The following FLRT2 variants were observed in gnomAD, a reference collection of about 807,000 sequenced individuals.
FLRT2 encodes leucine-rich repeat transmembrane protein FLRT2.
Under a neutral mutation model 40.0 loss-of-function variants are expected in FLRT2, and 15 were observed. That is an observed-to-expected ratio of 0.38 (90% CI 0.25 to 0.58). The LOEUF (loss-of-function observed/expected upper bound fraction) is 0.58. FLRT2 is among the 20% of genes least tolerant of loss of function. The probability of loss-of-function intolerance (pLI) is 0.71; values close to 1 mark genes in which losing one functional copy is unlikely to be tolerated. For missense variants in FLRT2, 726 were observed against 840.0 expected, an observed-to-expected ratio of 0.86 and a Z score of 1.68; for synonymous variants, 380 against 336.8, an observed-to-expected ratio of 1.13 and a Z score of -1.41.
At chr14:85,580,422 G>C (rs1297828158) in intron 1 of FLRT2, among the ~76,000 whole-genome samples, 2 of 152,234 alleles carry the variant, frequency 1.3e-5, no homozygotes, top group African/African-American at 4.8e-5. Flanking sequence ...AGAAGTTTGT[G>C]TTCATATATG....
At chr14:85,561,308 A>G (rs1335948511) in intron 1 of FLRT2, 1 of 152,208 alleles carries the variant, frequency 6.6e-6, no homozygotes, top group African/African-American at 2.4e-5. Context: ...GTAGCTATTT[A>G]TCAAGGTATC....
At chr14:85,569,898 C>T (rs1256852748) in intron 1 of FLRT2, among the ~76,000 whole-genome samples, 3 of 152,154 alleles carry the variant, frequency 2.0e-5, no homozygotes, top group Non-Finnish European at 2.9e-5. Flanking sequence ...TGTAGGATCA[C>T]GTTAACATGA....
At chr14:85,558,525 C>T (rs1404667333) in intron 1 of FLRT2, among the ~76,000 whole-genome samples, 1 of 152,114 alleles carries the variant, frequency 6.6e-6, no homozygotes, top group Admixed American at 6.5e-5. Flanking sequence ...AAGCATTTTT[C>T]TTCCAGAGAC....
Position 85,621,693 on chromosome 14 carries a change from G to A in FLRT2, c.179G>A (p.Gly60Glu), listed in dbSNP as rs1231888854. ...NERSLTSVPL[G>E]IPEGVTVLYL... ...CGAAGCTTGACCTCAGTGCCTCTTG[G>A]GATCCCGGAGGGCGTAACTGTACTC... is the stretch of plus-strand genomic sequence containing the variant. Residue 60 changes from glycine (G) to glutamate (E), a missense_variant, in exon 2 of 2, where the codon GGG (glycine) becomes GAG (glutamate). This residue lies in a region of FLRT2 where 106 missense variants were observed against 121.2 expected (regional missense o/e 0.87). Transcript: ENST00000330753. The A allele has an allele frequency of 2.5e-6, 4 of 1,613,920 alleles. No homozygotes were observed. In the Admixed American group the frequency reaches 5.0e-5, roughly 20 times the overall value.
At chr14:85,543,862 G>A (rs1889120898) in intron 1 of FLRT2, among the ~76,000 whole-genome samples, 1 of 152,040 alleles carries the variant, frequency 6.6e-6, no homozygotes, top group Admixed American at 6.5e-5. Context: ...ACAGAGTTTT[G>A]TTTGAACTTT....
intron 1 of FLRT2, among the ~76,000 whole-genome samples, chr14:85,612,061 CAAAAAAA>C (rs11298272): frequency 8.2e-4 from 51 of 62,294 alleles, no homozygotes; most frequent in African/African-American, 2.8e-3. Flanking sequence ...ACTTACTTTT[CAAAAAAA>C]AAAAAAAAAA....
intron 1 of FLRT2, among the ~76,000 whole-genome samples, chr14:85,582,726 T>C (rs995695593): frequency 6.6e-6 from 1 of 152,072 alleles, no homozygotes; most frequent in African/African-American, 2.4e-5. Flanking sequence ...AATTAGTCTA[T>C]CTTATGGACT....
chr14:85,600,270 A>G (rs1892326955), intron 1 of FLRT2, among the ~76,000 whole-genome samples: 2 of 152,248 alleles, frequency 1.3e-5, no homozygotes, highest in South Asian at 4.1e-4. Context: ...TTGAAGTTCC[A>G]GATGGACGTG....
intron 1 of FLRT2, among the ~76,000 whole-genome samples, chr14:85,572,684 A>G (rs999487741): frequency 6.6e-6 from 1 of 152,206 alleles, no homozygotes; most frequent in Non-Finnish European, 1.5e-5. Flanking sequence ...TGGCTGACCC[A>G]CTGGGTCCAC....
intron 1 of FLRT2, among the ~76,000 whole-genome samples, chr14:85,536,763 G>A (rs1317180711): frequency 6.6e-6 from 1 of 151,530 alleles, no homozygotes; most frequent in Non-Finnish European, 1.5e-5. Flanking sequence ...CTAATACAGA[G>A]TTCAATATGG....
intron 1 of FLRT2, among the ~76,000 whole-genome samples, chr14:85,579,916 G>T (rs1456168054): frequency 7.1e-6 from 1 of 140,064 alleles, no homozygotes; most frequent in Non-Finnish European, 1.5e-5. Flanking sequence ...CCATGCACAG[G>T]GTATTAGAAT....
chr14:85,540,801 ATTACT>A (rs1888943628), intron 1 of FLRT2, among the ~76,000 whole-genome samples: 1 of 152,118 alleles, frequency 6.6e-6, no homozygotes, highest in African/African-American at 2.4e-5. Context: ...AACATGGAAA[ATTACT>A]TGCATAGTTC....
In FLRT2 at chr14:85,653,542, A is replaced by G. The variant is rs1894483109; in HGVS notation, c.*30045A>G. Reference sequence around the variant, plus strand: ...AAATACCTCTGCTAGGGGATCTATTAGTATTCTCCACATTGCTACTGAAAC... The same window carrying G: ...AAATACCTCTGCTAGGGGATCTATTGGTATTCTCCACATTGCTACTGAAAC... On this transcript the variant is annotated 3_prime_UTR_variant, in exon 2 of 2. Transcript: ENST00000330753. 1 of 152,230 alleles carries G rather than the reference A, an allele frequency of 6.6e-6. No homozygotes were observed. The highest frequency in any genetic ancestry group is 2.1e-4 in the South Asian group (1 of 4,830). 9.4% of individuals were successfully genotyped at this position (152,230 alleles called of 1,614,324 possible). A position where few individuals can be genotyped will look rare whatever the true frequency, so the allele number is the denominator to read the frequency against.
In FLRT2 at chr14:85,626,812, C is replaced by CA. The variant is rs1465907045; in HGVS notation, c.*3320dup. The CA allele has an allele frequency of 1.2e-5, 2 of 167,040 alleles. No homozygotes were observed. Among genetic ancestry groups the CA allele is most frequent in the African/African-American group, 4.8e-5 (2 of 41,438 alleles). The allele number at this position is 167,040 out of a possible 1,614,324, so 10.3% of individuals were successfully genotyped here. A position where few individuals can be genotyped will look rare whatever the true frequency, so the allele number is the denominator to read the frequency against. Reference sequence around the variant, plus strand: ...TAGACATTCTCCCTGAGGTTAAAAACAAAAAGTACGTGACCAGTCTGGTAA... The same window carrying CA: ...TAGACATTCTCCCTGAGGTTAAAAACAAAAAAGTACGTGACCAGTCTGGTAA... On this transcript the variant is annotated 3_prime_UTR_variant, in exon 2 of 2. Coordinates refer to ENST00000330753, the MANE Select transcript of FLRT2 (RefSeq NM_013231.6).
chr14:85,635,501 T>C lies in FLRT2; in HGVS notation c.*12004T>C, dbSNP rs555467926. 3 of 152,224 alleles carry C rather than the reference T, an allele frequency of 2.0e-5. No homozygotes were observed. In the South Asian group the frequency reaches 6.2e-4, roughly 32 times the overall value. 9.4% of individuals were successfully genotyped at this position (152,224 alleles called of 1,614,324 possible). A position where few individuals can be genotyped will look rare whatever the true frequency, so the allele number is the denominator to read the frequency against. ...ATAGAGTGTCGTACAATAAAAATTG[T>C]ATAAAAAATTGTTTATTAAAATATT... On this transcript the variant is annotated 3_prime_UTR_variant, in exon 2 of 2. Coordinates refer to ENST00000330753, the MANE Select transcript of FLRT2 (RefSeq NM_013231.6).
In FLRT2 at chr14:85,643,376, T is replaced by TTCCTTCCTTCCTTCC. The variant is rs1894212711; in HGVS notation, c.*19880_*19881insCCTTCCTTCCTTCCT. ...CTTTCTTCCTTCCTTCCTTCCTTCC[T>TTCCTTCCTTCCTTCC]TTCTTTCCTTTCTCCTTTTTCTTTT... On this transcript the variant is annotated 3_prime_UTR_variant, in exon 2 of 2. Transcript: ENST00000330753. The TTCCTTCCTTCCTTCC allele has an allele frequency of 7.7e-6, 1 of 129,138 alleles. No homozygotes were observed. The highest frequency in any genetic ancestry group is 3.1e-5 in the African/African-American group (1 of 32,376). The allele number at this position is 129,138 out of a possible 1,614,324, so 8.0% of individuals were successfully genotyped here.
At chr14:85,532,003 A>G (rs1888314699) in intron 1 of FLRT2, among the ~76,000 whole-genome samples, 1 of 152,220 alleles carries the variant, frequency 6.6e-6, no homozygotes, top group Non-Finnish European at 1.5e-5. Context: ...AGGCTCTCAA[A>G]TACGTGAAAG....
rs544028793 is a variant in FLRT2 at position 85,557,937 on chromosome 14, G to A, written c.-377+27403G>A. Among the ~76,000 whole-genome samples, 19 of 152,260 alleles carry A rather than the reference G, an allele frequency of 1.2e-4. No homozygotes were observed. In the South Asian group the frequency reaches 3.9e-3, roughly 32 times the overall value. On this transcript the variant is annotated intron_variant, in intron 1 of 1. Coordinates refer to ENST00000330753, the MANE Select transcript of FLRT2 (RefSeq NM_013231.6). ...GAAGGAAAATGGTGACTGTAGAAAT[G>A]GTCAAACTGGGATCTTTTTCAGGAA... is the stretch of plus-strand genomic sequence containing the variant.
chr14:85,639,662 ATAT>A lies in FLRT2; in HGVS notation c.*16172_*16174del, dbSNP rs922049222. Reference sequence around the variant, plus strand: ...TAGAATTTATATTTATAGACTATTGATATTATTATGTGCATTACCCATTTTAAA... The same window carrying A: ...TAGAATTTATATTTATAGACTATTGATATTATGTGCATTACCCATTTTAAA... On this transcript the variant is annotated 3_prime_UTR_variant, in exon 2 of 2. Coordinates refer to ENST00000330753, the MANE Select transcript of FLRT2 (RefSeq NM_013231.6). The A allele has an allele frequency of 1.3e-5, 2 of 151,936 alleles. No individual in the cohort carries two copies. The highest frequency in any genetic ancestry group is 2.9e-5 in the Non-Finnish European group (2 of 67,996). The allele number at this position is 151,936 out of a possible 1,614,324, so 9.4% of individuals were successfully genotyped here.
Sources: gnomAD v4.1 joint callset for allele counts (sites outside exome capture counted in the v4.1 genomes callset) on GRCh38, gnomAD v4.1.1 for gene constraint, gnomAD v4.1.1 regional missense constraint, MANE v1.5 for transcripts, NCBI Gene and HGNC (gene_info 2026-07-23, HGNC 2026-07-21) for gene names.